The following VSTM5 variants were observed in gnomAD, a reference collection of about 807,000 sequenced individuals.
The protein encoded by VSTM5 is V-set and transmembrane domain-containing protein 5.
VSTM5 carries 21 observed loss-of-function variants against 20.3 expected under a neutral mutation model. The observed-to-expected ratio is 1.03, with a 90% confidence interval of 0.73 to 1.49. VSTM5 has a LOEUF of 1.49. VSTM5 is among the 40% of genes most tolerant of loss of function. The pLI, the probability that VSTM5 is intolerant of heterozygous loss-of-function variation, is 0.00. For synonymous variants in VSTM5, 100 were observed against 102.5 expected, an observed-to-expected ratio of 0.98 and a Z score of 0.14; for missense variants, 219 against 250.0, an observed-to-expected ratio of 0.88 and a Z score of 0.84.
intron 1 of VSTM5, among the ~76,000 whole-genome samples, chr11:93,837,554 T>G (rs57168437): frequency 1.0e-3 from 153 of 152,160 alleles, no homozygotes; most frequent in African/African-American, 3.5e-3. Flanking sequence ...CGATCTGCCC[T>G]TTGTTAATAT....
intron 1 of VSTM5, among the ~76,000 whole-genome samples, chr11:93,822,919 G>A (rs915082753): frequency 3.3e-5 from 5 of 152,118 alleles, no homozygotes; most frequent in Non-Finnish European, 7.4e-5. Flanking sequence ...AACTAGTGAC[G>A]AATCTATATT....
chr11:93,824,175 T>C (rs1045202921), intron 1 of VSTM5, among the ~76,000 whole-genome samples: 3 of 152,228 alleles, frequency 2.0e-5, no homozygotes, highest in Admixed American at 1.3e-4. Flanking sequence ...CCCAAAGTGC[T>C]GGGATTACAG....
At chr11:93,830,759 CTTTTT>C (rs553124123) in intron 1 of VSTM5, among the ~76,000 whole-genome samples, 1 of 136,100 alleles carries the variant, frequency 7.3e-6, no homozygotes, top group African/African-American at 2.7e-5. Flanking sequence ...TCGGTTGGTT[CTTTTT>C]TTTTTTTTTT....
At chr11:93,833,031 T>C (rs1944294748) in intron 1 of VSTM5, among the ~76,000 whole-genome samples, 1 of 152,222 alleles carries the variant, frequency 6.6e-6, no homozygotes, top group Non-Finnish European at 1.5e-5. Context: ...TAGCCACATG[T>C]AGCTGTTGAG....
intron 1 of VSTM5, among the ~76,000 whole-genome samples, chr11:93,841,751 C>A (rs1481475119): frequency 6.6e-6 from 1 of 152,236 alleles, no homozygotes; most frequent in Admixed American, 6.5e-5. Flanking sequence ...CCATACCTGC[C>A]AGGCAGGGGC....
chr11:93,820,554 C>G lies in VSTM5; in HGVS notation c.*15G>C, dbSNP rs1176653391. On this transcript the variant is annotated 3_prime_UTR_variant, in exon 4 of 4. Transcript: ENST00000409977. ...TTTCCTCTTGAGGTAGGAATGCAGT[C>G]AGGCCCAGCCTTGGCTAACACTCAA... The G allele has an allele frequency of 1.3e-6, 2 of 1,551,680 alleles. No individual in the cohort carries two copies. Among genetic ancestry groups the G allele is most frequent in the Admixed American group, 2.0e-5 (1 of 50,982 alleles).
intron 1 of VSTM5, among the ~76,000 whole-genome samples, chr11:93,838,926 T>C (rs1372821162): frequency 6.6e-6 from 1 of 152,122 alleles, no homozygotes; most frequent in Non-Finnish European, 1.5e-5. Context: ...CAAGAAGCAT[T>C]TGGGGGAAAG....
intron 1 of VSTM5, among the ~76,000 whole-genome samples, chr11:93,832,786 G>A (rs899060223): frequency 1.8e-4 from 27 of 152,188 alleles, no homozygotes; most frequent in African/African-American, 4.3e-4. Flanking sequence ...GCTCAGAGAC[G>A]TAAGTGTCCA....
In VSTM5 at chr11:93,819,746, G is replaced by A. The variant is rs1425373759; in HGVS notation, c.*823C>T. The stretch of plus-strand genomic sequence containing the variant: ...CTATGCAAGCTCAGCTTTCACACAG[G>A]TGGCATCCAGCTCGTCAGGAGGCCA... On this transcript the variant is annotated 3_prime_UTR_variant, in exon 4 of 4. Coordinates refer to ENST00000409977, the MANE Select transcript of VSTM5 (RefSeq NM_001144871.2). 6.6e-6 allele frequency: 1 copy of A among 152,244 alleles called. No homozygotes were observed. The highest frequency in any genetic ancestry group is 1.5e-5 in the Non-Finnish European group (1 of 68,068). The allele number at this position is 152,244 out of a possible 1,614,324, so 9.4% of individuals were successfully genotyped here.
chr11:93,821,601 T>G, intron 1 of VSTM5: 1 of 437,418 alleles, frequency 2.3e-6, no homozygotes, highest in Non-Finnish European at 4.1e-6. Flanking sequence ...TGTAGCAAGG[T>G]GGACTACAGA....
chr11:93,823,640 C>T (rs1237270206), intron 1 of VSTM5, among the ~76,000 whole-genome samples: 1 of 152,170 alleles, frequency 6.6e-6, no homozygotes, highest in Non-Finnish European at 1.5e-5. Flanking sequence ...TATTTGTCTT[C>T]CTATGTCTAG....
At chr11:93,850,094 C>A (rs2135742835) in intron 1 of VSTM5, among the ~76,000 whole-genome samples, 1 of 152,368 alleles carries the variant, frequency 6.6e-6, no homozygotes, top group South Asian at 2.1e-4. Flanking sequence ...AGCCGGTTAT[C>A]TCTGGGCCAC....
At chr11:93,826,144 G>A (rs191040200) in intron 1 of VSTM5, among the ~76,000 whole-genome samples, 2 of 152,130 alleles carry the variant, frequency 1.3e-5, no homozygotes, top group East Asian at 3.9e-4. Flanking sequence ...GAAGGCTGAA[G>A]CAGGCGGATC....
At chr11:93,843,458 C>CTGAA (rs10566414) in intron 1 of VSTM5, among the ~76,000 whole-genome samples, 1,731 of 151,756 alleles carry the variant, frequency 0.011, 26 homozygotes, top group African/African-American at 0.025. Flanking sequence ...TCATATGTAC[C>CTGAA]TGAATGAATG....
chr11:93,827,950 C>T (rs1005149500), intron 1 of VSTM5, among the ~76,000 whole-genome samples: 1 of 152,088 alleles, frequency 6.6e-6, no homozygotes, highest in African/African-American at 2.4e-5. Context: ...AAACTGTTAA[C>T]AGGAATTGCC....
chr11:93,832,062 A>G (rs556075287), intron 1 of VSTM5, among the ~76,000 whole-genome samples: 2 of 152,340 alleles, frequency 1.3e-5, no homozygotes, highest in South Asian at 4.1e-4. Context: ...TATCCTACAG[A>G]TAAGATGGGC....
chr11:93,837,865 A>T (rs1165698825), intron 1 of VSTM5, among the ~76,000 whole-genome samples: 5 of 152,168 alleles, frequency 3.3e-5, no homozygotes, highest in Admixed American at 2.6e-4. Flanking sequence ...TTAAAATAAA[A>T]CAGGTAAGCT....
intron 1 of VSTM5, among the ~76,000 whole-genome samples, chr11:93,845,176 G>C (rs368570686): frequency 6.6e-6 from 1 of 152,328 alleles, no homozygotes; most frequent in Admixed American, 6.5e-5. Context: ...AACAGTGTCT[G>C]GGTCCTGCCC....
At position 93,820,594 on chromosome 11, in the gene VSTM5, A is replaced by G. The variant is rs145330903; in HGVS notation, c.578T>C (p.Ile193Thr). Residue 193 changes from isoleucine to threonine, a missense_variant, in exon 4 of 4, where the codon ATT becomes ACT. Transcript: ENST00000409977. ...CTAACACTCAACATCTTCCAGCTCA[A>G]TCTCCTCAGTTGTGCTTTCTGTAAA... ...HKLKESTTEE[I>T]ELEDVEC 139 of 1,551,928 alleles carry G rather than the reference A, an allele frequency of 9.0e-5. No homozygotes were observed. In the East Asian group the frequency reaches 2.2e-3, roughly 25 times the overall value.
Sources: allele counts gnomAD v4.1 joint callset (sites outside exome capture counted in the v4.1 genomes callset), GRCh38; gene constraint gnomAD v4.1.1; transcripts MANE v1.5; gene names NCBI Gene and HGNC (gene_info 2026-07-23, HGNC 2026-07-21).